The following PLD5 variants were observed in gnomAD, a reference collection of about 807,000 sequenced individuals.
PLD5 encodes inactive phospholipase D5.
A neutral mutation model predicts 61.1 loss-of-function variants in PLD5; 36 were observed. The ratio of observed to expected loss-of-function variants is 0.59; its 90% CI spans 0.45 to 0.78. PLD5 has a LOEUF of 0.78. PLD5 is among the 30% of genes least tolerant of loss of function. The probability of loss-of-function intolerance (pLI) is 0.00; values close to 1 mark genes in which losing one functional copy is unlikely to be tolerated. For missense variants in PLD5, 515 were observed against 644.4 expected (o/e 0.80, Z 2.17); for synonymous variants, 243 against 242.8 (o/e 1.00, Z -0.01).
intron 8 of PLD5, among the ~76,000 whole-genome samples, 198 bp downstream of exon 8, chr1:242,107,473 G>A (rs77572063): frequency 0.014 from 1,949 of 142,038 alleles, 40 homozygotes; most frequent in African/African-American, 0.049. Flanking sequence ...AGGGCTGGAC[G>A]GAGGAGGCAT....
chr1:242,414,280 A>C (rs945389676), intron 1 of PLD5, among the ~76,000 whole-genome samples: 1 of 142,630 alleles, frequency 7.0e-6, no homozygotes, highest in Non-Finnish European at 1.5e-5. Flanking sequence ...CAGAGATAGA[A>C]AAAATATTTT....
chr1:242,316,684 A>C (rs947745693), intron 2 of PLD5, among the ~76,000 whole-genome samples: 2 of 152,048 alleles, frequency 1.3e-5, no homozygotes, highest in African/African-American at 4.8e-5. Context: ...TGTCATGGGG[A>C]TTTATAGTGA....
At chr1:242,188,404 C>T (rs1375888962) in intron 5 of PLD5, among the ~76,000 whole-genome samples, 1 of 152,076 alleles carries the variant, frequency 6.6e-6, no homozygotes, top group African/African-American at 2.4e-5. Flanking sequence ...AATCAAATAT[C>T]GAGTTGGGAA....
intron 5 of PLD5, among the ~76,000 whole-genome samples, chr1:242,176,564 A>T (rs1411184768): frequency 6.6e-6 from 1 of 152,202 alleles, no homozygotes; most frequent in Non-Finnish European, 1.5e-5. Context: ...AACAATGGAA[A>T]CAAAGCCAAA....
chr1:242,527,106 A>ATCT (rs1225348880), upstream of PLD5, among the ~76,000 whole-genome samples: 75 of 116,356 alleles, frequency 6.4e-4, no homozygotes, highest in African/African-American at 2.3e-3. Flanking sequence ...AGTTGCTACT[A>ATCT]TCTCCTTCTT....
At position 242,370,510 on chromosome 1, in the gene PLD5, G is replaced by T. The variant is rs1442322570; in HGVS notation, c.190-22268C>A. Reference sequence around the variant, plus strand: ...CAGAGGGCTGAGCCAGGGGCCAGGGGAGGGGGCATTAATGGCTGTGTTTGT... The same window carrying T: ...CAGAGGGCTGAGCCAGGGGCCAGGGTAGGGGGCATTAATGGCTGTGTTTGT... On this transcript the variant is annotated intron_variant, in intron 1 of 9. Transcript: ENST00000536534. 2.0e-5 allele frequency among the ~76,000 whole-genome samples: 3 copies of T among 152,224 alleles called. No individual in the cohort carries two copies. In the Middle Eastern group the frequency reaches 0.01, roughly 518 times the overall value.
At chr1:242,170,751 G>A (rs997448556) in intron 5 of PLD5, among the ~76,000 whole-genome samples, 4 of 152,094 alleles carry the variant, frequency 2.6e-5, no homozygotes, top group Admixed American at 6.5e-5. Context: ...TGAGAACTTC[G>A]TGAAGCATAC....
At chr1:242,148,651 A>G (rs1664711239) in intron 5 of PLD5, among the ~76,000 whole-genome samples, 1 of 151,994 alleles carries the variant, frequency 6.6e-6, no homozygotes, top group Non-Finnish European at 1.5e-5. Context: ...AAGTCTTTTT[A>G]AAATTCATTT....
chr1:242,279,588 C>A (rs1355178821), intron 3 of PLD5, among the ~76,000 whole-genome samples: 1 of 151,976 alleles, frequency 6.6e-6, no homozygotes, highest in Non-Finnish European at 1.5e-5. Flanking sequence ...GGCTGTAGAG[C>A]AGTGGCACAA....
chr1:242,313,375 A>G (rs1676819251), intron 2 of PLD5, among the ~76,000 whole-genome samples: 2 of 152,128 alleles, frequency 1.3e-5, no homozygotes, highest in South Asian at 2.1e-4. Flanking sequence ...TATGAGATAG[A>G]TCTTTTGCTG....
chr1:242,425,687 G>A (rs1665383416), intron 1 of PLD5, among the ~76,000 whole-genome samples: 1 of 138,388 alleles, frequency 7.2e-6, no homozygotes, highest in African/African-American at 2.8e-5. Flanking sequence ...CTGTCACCCA[G>A]GCTGGAGTGC....
intron 9 of PLD5, among the ~76,000 whole-genome samples, chr1:242,096,833 T>G (rs1049875715): frequency 6.6e-6 from 1 of 152,146 alleles, no homozygotes; most frequent in African/African-American, 2.4e-5. Flanking sequence ...CATGTTGGTG[T>G]GCTGCACCCA....
intron 1 of PLD5, among the ~76,000 whole-genome samples, chr1:242,512,704 C>G (rs73146042): frequency 0.042 from 6,392 of 152,210 alleles, 471 homozygotes; most frequent in African/African-American, 0.15. Flanking sequence ...TAAAGTGACT[C>G]CATTTCCCAA....
chr1:242,097,169 T>A (rs12121602), intron 9 of PLD5, among the ~76,000 whole-genome samples: 32,550 of 152,106 alleles, frequency 0.21, 3,651 homozygotes, highest in South Asian at 0.28. Context: ...TTTGGGTTGG[T>A]TCCAAGTCTT....
chr1:242,305,830 T>A (rs1676317057), intron 2 of PLD5, among the ~76,000 whole-genome samples: 1 of 152,090 alleles, frequency 6.6e-6, no homozygotes, highest in African/African-American at 2.4e-5. Context: ...AAAGTGCACT[T>A]CCATTTCTAT....
intron 1 of PLD5, among the ~76,000 whole-genome samples, chr1:242,373,202 C>T (rs142800602): frequency 0.035 from 5,389 of 152,242 alleles, 227 homozygotes; most frequent in African/African-American, 0.096. Context: ...TGAAAAAATG[C>T]TCATCATCAC....
rs555654701 is a variant in PLD5, at chr1:242,346,553, T to C, written c.326+1553A>G. 1.4e-3 allele frequency among the ~76,000 whole-genome samples: 213 copies of C among 152,288 alleles called. 1 individual carries two copies. Among genetic ancestry groups the C allele is most frequent in the Non-Finnish European group, 6.2e-4 (42 of 68,038 alleles). The stretch of plus-strand genomic sequence containing the variant: ...AGCAAAAGATGACAGTAATCTACTG[T>C]TCTTCCATTGCTTTCATTACAGTAA... On this transcript the variant is annotated intron_variant, in intron 2 of 9. Transcript: ENST00000536534.
chr1:242,475,409 C>A (rs7532017), intron 1 of PLD5, among the ~76,000 whole-genome samples: 2,196 of 118,060 alleles, frequency 0.019, 104 homozygotes, highest in African/African-American at 0.072. Flanking sequence ...GGCGACAGAG[C>A]GAGACTCCGT....
chr1:242,486,053 C>G (rs1460548081), intron 1 of PLD5, among the ~76,000 whole-genome samples: 2 of 151,938 alleles, frequency 1.3e-5, no homozygotes, highest in African/African-American at 4.8e-5. Flanking sequence ...ACACCTTATA[C>G]AAAAATTAAT....
Sources: allele counts gnomAD v4.1 joint callset (sites outside exome capture counted in the v4.1 genomes callset), GRCh38; gene constraint gnomAD v4.1.1; transcripts MANE v1.5; gene names NCBI Gene and HGNC (gene_info 2026-07-23, HGNC 2026-07-21).